NXPE2: variants seen among roughly 807,000 people sequenced by gnomAD.
The protein encoded by NXPE2 is neurexophilin and PC-esterase domain family member 2, also known as NXPE family member 2.
In NXPE2, 34 loss-of-function variants were observed where a neutral mutation model predicts 34.4. The ratio of observed to expected loss-of-function variants is 0.99; its 90% CI spans 0.75 to 1.31. The LOEUF (loss-of-function observed/expected upper bound fraction) is 1.31, where lower values mean the gene tolerates loss of function less well. NXPE2 is among the 40% of genes most tolerant of loss of function. The pLI is 0.00. For synonymous variants in NXPE2, 235 were observed against 231.3 expected (o/e 1.02, Z -0.15); for missense variants, 649 against 672.5 (o/e 0.97, Z 0.39).
the NXPE2 span, among the ~76,000 whole-genome samples, chr11:114,741,475 C>G: frequency 1.4e-4 from 21 of 151,942 alleles, no homozygotes; most frequent in African/African-American, 4.8e-4. Flanking sequence ...TTGGTGGTGT[C>G]CTATAAATCC....
chr11:114,527,665 C>T, the NXPE2 span, among the ~76,000 whole-genome samples: 1 of 152,148 alleles, frequency 6.6e-6, no homozygotes, highest in Non-Finnish European at 1.5e-5. Flanking sequence ...GATGTAATCT[C>T]CTATAAACAT....
the NXPE2 span, among the ~76,000 whole-genome samples, chr11:114,742,706 T>TATTG: frequency 6.6e-6 from 1 of 151,354 alleles, no homozygotes; most frequent in Non-Finnish European, 1.5e-5. Flanking sequence ...TGTTTGTGGG[T>TATTG]ATTGGTCAAA....
the NXPE2 span, among the ~76,000 whole-genome samples, chr11:114,577,161 C>CATAT: frequency 0.14 from 18,537 of 134,428 alleles, 1,422 homozygotes; most frequent in South Asian, 0.2. Context: ...ATATATGTGT[C>CATAT]ATATATATAT....
chr11:114,496,609 T>C, the NXPE2 span, among the ~76,000 whole-genome samples: 2 of 152,204 alleles, frequency 1.3e-5, no homozygotes, highest in Admixed American at 1.3e-4. Flanking sequence ...TTTTGTTTTG[T>C]TTTGTTTTTT....
chr11:114,594,778 G>A, the NXPE2 span: 1 of 1,283,398 alleles, frequency 7.8e-7, no homozygotes. Context: ...TCCTACAAGA[G>A]ACAATACAAA....
chr11:114,773,279 A>ACCCCCCCCCCCCCCCC, the NXPE2 span, among the ~76,000 whole-genome samples: 3 of 69,358 alleles, frequency 4.3e-5, no homozygotes, highest in Non-Finnish European at 8.4e-5. Context: ...ACCCACTCCC[A>ACCCCCCCCCCCCCCCC]CCCCCCCCCC....
chr11:114,637,103 T>C, the NXPE2 span, among the ~76,000 whole-genome samples: 1 of 151,932 alleles, frequency 6.6e-6, no homozygotes, highest in Non-Finnish European at 1.5e-5. Context: ...AGTCTAAGTC[T>C]CTTTGTAGGT....
the NXPE2 span, among the ~76,000 whole-genome samples, chr11:114,491,906 A>G: frequency 6.6e-6 from 1 of 152,218 alleles, no homozygotes; most frequent in Admixed American, 6.5e-5. Context: ...AACTATTGCA[A>G]GGACAAAAAA....
chr11:114,791,427 T>C, the NXPE2 span, among the ~76,000 whole-genome samples: 49 of 152,308 alleles, frequency 3.2e-4, no homozygotes, highest in Non-Finnish European at 6.8e-4. Context: ...TCCACCACAG[T>C]TGTCTCCTGG....
At chr11:114,603,234 T>C in the NXPE2 span, among the ~76,000 whole-genome samples, 3 of 151,704 alleles carry the variant, frequency 2.0e-5, no homozygotes, top group African/African-American at 7.3e-5. Flanking sequence ...GGATGATAAG[T>C]ATTGCCTCGT....
At chr11:114,783,948 A>T in the NXPE2 span, among the ~76,000 whole-genome samples, 5 of 152,214 alleles carry the variant, frequency 3.3e-5, no homozygotes, top group African/African-American at 4.8e-5. Flanking sequence ...TAACTGTTTG[A>T]TCTTTATCTA....
the NXPE2 span, among the ~76,000 whole-genome samples, chr11:114,747,995 A>G: frequency 0.013 from 1,956 of 152,248 alleles, 20 homozygotes; most frequent in Non-Finnish European, 0.02. Context: ...GGTGGCCATC[A>G]TTCTACTCTC....
chr11:114,535,660 C>T, the NXPE2 span, among the ~76,000 whole-genome samples: 16 of 152,128 alleles, frequency 1.1e-4, no homozygotes, highest in East Asian at 2.9e-3. Context: ...AGACTTAAAC[C>T]AACAAAGATC....
chr11:114,536,418 G>C, the NXPE2 span, among the ~76,000 whole-genome samples: 2 of 152,234 alleles, frequency 1.3e-5, no homozygotes, highest in African/African-American at 4.8e-5. Context: ...CAGAAGGCAA[G>C]AAATAACTAA....
At chr11:114,495,414 A>G in the NXPE2 span, among the ~76,000 whole-genome samples, 1 of 151,716 alleles carries the variant, frequency 6.6e-6, no homozygotes, top group African/African-American at 2.4e-5. Context: ...GACCCAAACC[A>G]CAAGACAAAA....
the NXPE2 span, among the ~76,000 whole-genome samples, chr11:114,729,912 G>T: frequency 6.6e-6 from 1 of 151,992 alleles, no homozygotes; most frequent in Non-Finnish European, 1.5e-5. Flanking sequence ...GTTTAATTAG[G>T]TCCCACTTGT....
At chr11:114,701,638 C>T (rs546369488) in intron 3 of NXPE2, among the ~76,000 whole-genome samples, 1 of 152,288 alleles carries the variant, frequency 6.6e-6, no homozygotes, top group Admixed American at 6.5e-5. Context: ...GTCTCATGGA[C>T]CATTCTATTG....
At chr11:114,728,533 T>A in the NXPE2 span, among the ~76,000 whole-genome samples, 5 of 152,234 alleles carry the variant, frequency 3.3e-5, no homozygotes, top group East Asian at 9.6e-4. Flanking sequence ...ACAAAACACA[T>A]CAGTTAAACT....
At chr11:114,551,179 T>A in the NXPE2 span, 2 of 1,535,056 alleles carry the variant, frequency 1.3e-6, no homozygotes, top group Admixed American at 3.9e-5. Context: ...CAGCGTTTTT[T>A]GAAGCATTGT....
Sources: gnomAD v4.1 joint callset for allele counts (sites outside exome capture counted in the v4.1 genomes callset) on GRCh38, gnomAD v4.1.1 for gene constraint, MANE v1.5 for transcripts, NCBI Gene and HGNC (gene_info 2026-07-23, HGNC 2026-07-21) for gene names.